Variants in CAMKMT observed in about 807,000 individuals in gnomAD.
The protein encoded by CAMKMT is CaM KMT.
In CAMKMT, 53 loss-of-function variants were observed where a neutral mutation model predicts 48.0. The ratio of observed to expected loss-of-function variants is 1.10; its 90% CI spans 0.89 to 1.39. The LOEUF (loss-of-function observed/expected upper bound fraction) is 1.39, where lower values mean the gene tolerates loss of function less well. Ranked by LOEUF, CAMKMT falls within the 40% of genes most tolerant of loss-of-function variation. The probability of loss-of-function intolerance (pLI) is 0.00; values close to 1 mark genes in which losing one functional copy is unlikely to be tolerated. For missense variants in CAMKMT, 428 were observed against 402.7 expected, an observed-to-expected ratio of 1.06 and a Z score of -0.54; for synonymous variants, 165 against 152.3, an observed-to-expected ratio of 1.08 and a Z score of -0.61.
At chr2:44,414,460 GCTAA>G (rs1031266626) in intron 3 of CAMKMT, among the ~76,000 whole-genome samples, 5 of 152,108 alleles carry the variant, frequency 3.3e-5, no homozygotes, top group Middle Eastern at 6.3e-3. Context: ...TCAGTTTCTT[GCTAA>G]CTGTTGATTA....
chr2:44,636,152 G>A (rs1316201652), intron 3 of CAMKMT, among the ~76,000 whole-genome samples: 1 of 152,192 alleles, frequency 6.6e-6, no homozygotes, highest in Non-Finnish European at 1.5e-5. Flanking sequence ...ATACCTGGAA[G>A]TGGAGAAATA....
intron 8 of CAMKMT, among the ~76,000 whole-genome samples, chr2:44,750,526 T>C (rs903949696): frequency 6.6e-6 from 1 of 152,192 alleles, no homozygotes; most frequent in African/African-American, 2.4e-5. Flanking sequence ...CTTTTATTTA[T>C]TTATTGCTTT....
intron 3 of CAMKMT, among the ~76,000 whole-genome samples, chr2:44,687,137 G>A (rs572393447): frequency 3.3e-5 from 5 of 152,238 alleles, no homozygotes; most frequent in Non-Finnish European, 4.4e-5. Context: ...TTATCAGATC[G>A]TCTTTTCTTA....
intron 3 of CAMKMT, among the ~76,000 whole-genome samples, chr2:44,450,056 A>G (rs1667210812): frequency 6.6e-6 from 1 of 152,168 alleles, no homozygotes; most frequent in Admixed American, 6.6e-5. Flanking sequence ...AGTTGTGAAG[A>G]GAAAGCCATC....
intron 3 of CAMKMT, among the ~76,000 whole-genome samples, chr2:44,607,551 T>G (rs1671354018): frequency 7.9e-5 from 12 of 152,226 alleles, no homozygotes. Context: ...CAATTCTACC[T>G]ATACTATATT....
intron 3 of CAMKMT, among the ~76,000 whole-genome samples, chr2:44,613,168 C>T (rs1298495445): frequency 6.6e-6 from 1 of 152,152 alleles, no homozygotes; most frequent in Non-Finnish European, 1.5e-5. Flanking sequence ...AAAATTTTAA[C>T]TCTTATGTTT....
chr2:44,560,970 T>C (rs961270510), intron 3 of CAMKMT, among the ~76,000 whole-genome samples: 2 of 152,230 alleles, frequency 1.3e-5, no homozygotes, highest in African/African-American at 4.8e-5. Flanking sequence ...TCTACCATTT[T>C]CAGAGAGAAA....
At chr2:44,693,997 T>A (rs1340538951) in intron 3 of CAMKMT, among the ~76,000 whole-genome samples, 1 of 152,222 alleles carries the variant, frequency 6.6e-6, no homozygotes, top group Admixed American at 6.5e-5. Flanking sequence ...AAAAGCTGTA[T>A]GTCTGCTGTG....
intron 2 of CAMKMT, 47 bp downstream of exon 2, chr2:44,372,935 G>A (rs770958697): frequency 2.7e-6 from 4 of 1,476,506 alleles, no homozygotes; most frequent in South Asian, 1.3e-5. Context: ...GATTTCTCTT[G>A]GATAAGAAAA....
chr2:44,390,589 C>A (rs1023276820), intron 3 of CAMKMT, among the ~76,000 whole-genome samples: 1 of 151,910 alleles, frequency 6.6e-6, no homozygotes, highest in Non-Finnish European at 1.5e-5. Flanking sequence ...AGAAAGAACA[C>A]TGGACACTGA....
chr2:44,609,762 G>GA (rs1406220300), intron 3 of CAMKMT, among the ~76,000 whole-genome samples: 2 of 152,144 alleles, frequency 1.3e-5, no homozygotes, highest in Non-Finnish European at 2.9e-5. Flanking sequence ...GGATGGAGGA[G>GA]AAATGGCTCA....
At chr2:44,713,497 C>A (rs1289343390) in intron 6 of CAMKMT, among the ~76,000 whole-genome samples, 1 of 152,122 alleles carries the variant, frequency 6.6e-6, no homozygotes, top group African/African-American at 2.4e-5. Flanking sequence ...AGAAGACTTT[C>A]CTGAAATAAT....
At chr2:44,665,540 G>A (rs1674919737) in intron 3 of CAMKMT, among the ~76,000 whole-genome samples, 1 of 152,130 alleles carries the variant, frequency 6.6e-6, no homozygotes, top group South Asian at 2.1e-4. Flanking sequence ...CTTGAACCAG[G>A]CAATGATAGC....
intron 3 of CAMKMT, among the ~76,000 whole-genome samples, chr2:44,497,277 AAAAT>A (rs1669793862): frequency 6.6e-6 from 1 of 152,312 alleles, no homozygotes; most frequent in African/African-American, 2.4e-5. Context: ...TATGATCAGA[AAAAT>A]AAATAGTGTA....
intron 3 of CAMKMT, among the ~76,000 whole-genome samples, chr2:44,440,952 G>T (rs1666618903): frequency 6.6e-6 from 1 of 152,104 alleles, no homozygotes; most frequent in Non-Finnish European, 1.5e-5. Context: ...AAAATGGCCT[G>T]TTTGGAATTA....
chr2:44,720,149 C>T (rs969875181), intron 7 of CAMKMT, among the ~76,000 whole-genome samples: 42 of 152,154 alleles, frequency 2.8e-4, no homozygotes, highest in Non-Finnish European at 5.9e-4. Context: ...TTAGCCGGTT[C>T]AGCTATTTTT....
At chr2:44,482,100 T>G (rs1359183031) in intron 3 of CAMKMT, among the ~76,000 whole-genome samples, 1 of 152,006 alleles carries the variant, frequency 6.6e-6, no homozygotes, top group African/African-American at 2.4e-5. Context: ...TGAGGGGAAT[T>G]TTAGGGCTTA....
At chr2:44,646,700 T>A (rs1421413160) in intron 3 of CAMKMT, among the ~76,000 whole-genome samples, 4 of 152,152 alleles carry the variant, frequency 2.6e-5, no homozygotes, top group African/African-American at 9.7e-5. Flanking sequence ...AATCTTACAT[T>A]GATTATAATT....
chr2:44,673,427 T>TAA (rs74625457), intron 3 of CAMKMT, among the ~76,000 whole-genome samples: 2,284 of 111,428 alleles, frequency 0.02, 45 homozygotes, highest in African/African-American at 0.043. Flanking sequence ...AGACCCTGTT[T>TAA]AAAAAAAAAA....
Sources: allele counts gnomAD v4.1 joint callset (sites outside exome capture counted in the v4.1 genomes callset), GRCh38; gene constraint gnomAD v4.1.1; transcripts MANE v1.5; gene names NCBI Gene and HGNC (gene_info 2026-07-23, HGNC 2026-07-21).